Variants in MED13L observed in about 807,000 individuals in gnomAD.
The protein encoded by MED13L is mediator complex subunit 13L, also known as mediator of RNA polymerase II transcription subunit 13-like.
A neutral mutation model predicts 220.9 loss-of-function variants in MED13L; 7 were observed. The observed-to-expected ratio is 0.03, with a 90% confidence interval of 0.02 to 0.06. MED13L has a LOEUF of 0.06. Among genes scored for constraint, MED13L ranks in the 10% least tolerant of loss-of-function variants. MED13L has a pLI of 1.00. For synonymous variants in MED13L, 1,011 were observed against 1,015.2 expected (o/e 1.00, Z 0.08); for missense variants, 1,965 against 2,760.5 (o/e 0.71, Z 6.46).
At chr12:115,986,215 C>T (rs761519426) in intron 19 of MED13L, 51 bp downstream of exon 19, 3 of 1,515,502 alleles carry the variant, frequency 2.0e-6, no homozygotes, top group East Asian at 4.5e-5. Flanking sequence ...TCACTATAAA[C>T]AATCAGAGGA....
At chr12:116,082,161 C>A (rs1400143758) in intron 4 of MED13L, among the ~76,000 whole-genome samples, 5 of 152,198 alleles carry the variant, frequency 3.3e-5, no homozygotes, top group Admixed American at 3.3e-4. Flanking sequence ...ACTTATTTTA[C>A]TCCCAATTTT....
Position 116,097,573 on chromosome 12 carries a change from G to C in MED13L, c.396-821C>G, listed in dbSNP as rs1193712336. ...AAAAATACAGCACAGCTTTATCTTAGGTATTTTCTTTTTGTAGGCACAATA... is the reference window on the plus strand; with the variant it reads ...AAAAATACAGCACAGCTTTATCTTACGTATTTTCTTTTTGTAGGCACAATA... On this transcript the variant is annotated intron_variant, in intron 3 of 30. Coordinates refer to ENST00000281928, the MANE Select transcript of MED13L (RefSeq NM_015335.5). Among the ~76,000 whole-genome samples the C allele has an allele frequency of 2.6e-5, 4 of 152,260 alleles. No homozygotes were observed. The East Asian group carries it at 7.7e-4, about 29-fold the overall frequency.
At chr12:116,213,699 C>T (rs1882841386) in intron 2 of MED13L, among the ~76,000 whole-genome samples, 1 of 152,200 alleles carries the variant, frequency 6.6e-6, no homozygotes, top group Non-Finnish European at 1.5e-5. Context: ...AGGCGTGAGC[C>T]ACCGCATCCA....
chr12:115,965,109 T>C (rs1001452888), intron 29 of MED13L, among the ~76,000 whole-genome samples: 3 of 152,254 alleles, frequency 2.0e-5, no homozygotes. Context: ...TTTGGTTTAA[T>C]TTCCATCGTT....
rs1593132901 is a variant in MED13L, at chr12:116,177,722, TG to T, written c.310+59745del. Among the ~76,000 whole-genome samples the T allele has an allele frequency of 2.0e-5, 3 of 152,328 alleles. No homozygotes were observed. The East Asian group carries it at 5.8e-4, about 29-fold the overall frequency. On this transcript the variant is annotated intron_variant, in intron 2 of 30. Transcript: ENST00000281928. ...TTAAAAACATACAAAAAGGTAAATC[TG>T]ACCTATGAGGAAAAAGGTAACACAT...
intron 2 of MED13L, among the ~76,000 whole-genome samples, chr12:116,129,919 A>AAAAAGAAAG (rs1555214321): frequency 6.6e-6 from 1 of 151,308 alleles, no homozygotes; most frequent in East Asian, 2.0e-4. Context: ...AAAAAAAAAA[A>AAAAAGAAAG]AAAGAAAGAA....
chr12:116,032,417 G>C (rs1880910447), intron 4 of MED13L, among the ~76,000 whole-genome samples: 1 of 152,144 alleles, frequency 6.6e-6, no homozygotes, highest in Non-Finnish European at 1.5e-5. Context: ...CAATGGAACA[G>C]AACAGGAAAC....
chr12:116,106,986 A>G (rs915772660), intron 3 of MED13L, among the ~76,000 whole-genome samples: 1 of 152,214 alleles, frequency 6.6e-6, no homozygotes, highest in Non-Finnish European at 1.5e-5. Context: ...AGTATCAACA[A>G]CAGTTAACCA....
chr12:116,185,773 T>C (rs1352161904), intron 2 of MED13L, among the ~76,000 whole-genome samples: 3 of 152,046 alleles, frequency 2.0e-5, no homozygotes, highest in Non-Finnish European at 4.4e-5. Flanking sequence ...CTAGGCTCAC[T>C]GCAACTTCCG....
At chr12:116,019,138 T>G (rs1026293839) in intron 7 of MED13L, 86 bp downstream of exon 7, 1 of 1,345,236 alleles carries the variant, frequency 7.4e-7, no homozygotes, top group African/African-American at 1.5e-5. Flanking sequence ...AACAGGAATT[T>G]CTGTTTTCTC....
At chr12:116,018,379 G>A (rs942735874) in intron 7 of MED13L, among the ~76,000 whole-genome samples, 1 of 152,016 alleles carries the variant, frequency 6.6e-6, no homozygotes, top group Non-Finnish European at 1.5e-5. Flanking sequence ...TCTTACTCTG[G>A]TAATTTTCAT....
chr12:116,236,983 CT>C (rs11327640), intron 2 of MED13L: 46,832 of 444,030 alleles, frequency 0.11, 2,693 homozygotes, highest in South Asian at 0.23. Context: ...TTCATCTTTC[CT>C]CAAAATACTA....
At chr12:116,057,197 G>C (rs1018712927) in intron 4 of MED13L, among the ~76,000 whole-genome samples, 1 of 152,018 alleles carries the variant, frequency 6.6e-6, no homozygotes, top group East Asian at 1.9e-4. Context: ...CAAGTAGCTC[G>C]AACACAAGCC....
intron 4 of MED13L, among the ~76,000 whole-genome samples, chr12:116,076,630 C>G (rs1870825106): frequency 6.6e-6 from 1 of 152,136 alleles, no homozygotes; most frequent in Admixed American, 6.5e-5. Context: ...AGCAAGGGGT[C>G]AAGAGCAATT....
At chr12:116,110,017 G>GT (rs1258794286) in intron 3 of MED13L, 2 of 152,162 alleles carry the variant, frequency 1.3e-5, no homozygotes, top group African/African-American at 2.4e-5. Context: ...TAAGAAACTG[G>GT]TAAGTCCTCA....
chr12:116,040,031 G>C (rs966153612), intron 4 of MED13L, among the ~76,000 whole-genome samples: 5 of 152,156 alleles, frequency 3.3e-5, no homozygotes, highest in Non-Finnish European at 7.3e-5. Flanking sequence ...TCTTTTAAGG[G>C]GGATGGGAGA....
chr12:116,038,534 T>C (rs1056974492), intron 4 of MED13L, among the ~76,000 whole-genome samples: 1 of 151,836 alleles, frequency 6.6e-6, no homozygotes, highest in African/African-American at 2.4e-5. Context: ...CTGACACCCA[T>C]GGGGGAGCAA....
chr12:116,154,849 A>T (rs1878303834), intron 2 of MED13L, among the ~76,000 whole-genome samples: 1 of 152,066 alleles, frequency 6.6e-6, no homozygotes, highest in South Asian at 2.1e-4. Context: ...TTTTTGAAAA[A>T]GAGTCTCACT....
chr12:116,005,779 G>C, intron 13 of MED13L, 90 bp downstream of exon 13: 1 of 1,529,234 alleles, frequency 6.5e-7, no homozygotes, highest in South Asian at 1.1e-5. Flanking sequence ...CCCAAATTCA[G>C]GACACCAAAC....
Sources: gnomAD v4.1 joint callset for allele counts (sites outside exome capture counted in the v4.1 genomes callset) on GRCh38, gnomAD v4.1.1 for gene constraint, MANE v1.5 for transcripts, NCBI Gene and HGNC (gene_info 2026-07-23, HGNC 2026-07-21) for gene names.